The following ADGRL1 variants were observed in gnomAD, a reference collection of about 807,000 sequenced individuals.
The protein encoded by ADGRL1 is CIRL-1.
Under a neutral mutation model 148.9 loss-of-function variants are expected in ADGRL1, and 31 were observed. That is an observed-to-expected ratio of 0.21 (90% CI 0.16 to 0.28). The LOEUF (loss-of-function observed/expected upper bound fraction) is 0.28, where lower values mean the gene tolerates loss of function less well. ADGRL1 is among the 10% of genes least tolerant of loss of function. The probability of loss-of-function intolerance (pLI) is 1.00; values close to 1 mark genes in which losing one functional copy is unlikely to be tolerated. For missense variants in ADGRL1, 1,521 were observed against 2,058.8 expected (o/e 0.74, Z 5.05); for synonymous variants, 937 against 900.3 (o/e 1.04, Z -0.73).
Position 14,205,500 on chromosome 19 carries a change from G to C in ADGRL1, c.-96+485C>G, listed in dbSNP as rs1385332629. 4.0e-5 allele frequency among the ~76,000 whole-genome samples: 6 copies of C among 151,742 alleles called. No homozygotes were observed. In the East Asian group the frequency reaches 5.9e-4, roughly 15 times the overall value. ...ATCCTGTGGTGCCAGCCCCCGACAC[G>C]GCTCCTCTGGGGCGCGGGGCCGGCG... On this transcript the variant is annotated intron_variant, in intron 1 of 22. Coordinates refer to ENST00000361434, the MANE Select transcript of ADGRL1 (RefSeq NM_014921.5).
At chr19:14,205,156 C>A (rs564736636) in intron 1 of ADGRL1, among the ~76,000 whole-genome samples, 5 of 152,156 alleles carry the variant, frequency 3.3e-5, no homozygotes, top group Admixed American at 6.5e-5. Flanking sequence ...AGCATCCCCC[C>A]ACCCCACCAC....
chr19:14,155,556 G>A lies in ADGRL1; in HGVS notation c.3126-29C>T, dbSNP rs772347530. On this transcript the variant is annotated intron_variant, in intron 17 of 22. Transcript: ENST00000361434. The surrounding 1 kb of genome is among the most constrained non-coding windows in gnomAD (Gnocchi z 5.0). ...GGAGTGGGGCGACAGGGGAGTCAAA[G>A]TACCCGCCGGAGGGGACGGCCTCAG... The A allele has an allele frequency of 2.5e-6, 4 of 1,611,096 alleles. No individual in the cohort carries two copies. Among genetic ancestry groups the A allele is most frequent in the Admixed American group, 1.7e-5 (1 of 59,958 alleles).
Position 14,151,045 on chromosome 19 carries a change from CCGGGGGGTG to C in ADGRL1, c.4229_4237del (p.Ala1410_Pro1412del), listed in dbSNP as rs1352458093. The C allele has an allele frequency of 6.6e-6, 6 of 911,832 alleles. No homozygotes were observed. The highest frequency in any genetic ancestry group is 6.4e-5 in the East Asian group (1 of 15,648). The allele number at this position is 911,832 out of a possible 1,614,324, so 56.5% of individuals were successfully genotyped here. A position where few individuals can be genotyped will look rare whatever the true frequency, so the allele number is the denominator to read the frequency against. ...CGAGGTGTAGTAGATTTCGGGGGGG[CCGGGGGGTG>C]CGGGAGGGGGTGGGGGCAGGGCCTC... is the stretch of plus-strand genomic sequence containing the variant. On this transcript the variant is annotated inframe_deletion, in exon 23 of 23. Coordinates refer to ENST00000361434, the MANE Select transcript of ADGRL1 (RefSeq NM_014921.5).
chr19:14,160,524 G>T lies in ADGRL1; in HGVS notation c.1614+69C>A. 1 of 1,198,292 alleles carries T rather than the reference G, an allele frequency of 8.3e-7. No individual in the cohort carries two copies. 74.2% of individuals were successfully genotyped at this position (1,198,292 alleles called of 1,614,324 possible). ...GCCCATGTCTCCCCAGCTGCTCCAC[G>T]ACCCCCGCTGGGCCCTGGGCCCTGG... On this transcript the variant is annotated intron_variant, in intron 7 of 22. Transcript: ENST00000361434. This position sits in a 1 kb window ranked among gnomAD's most constrained non-coding sequence, Gnocchi z 5.9.
rs190492836 is a variant in ADGRL1 at position 14,173,895 on chromosome 19, G to A, written c.285-3104C>T. On this transcript the variant is annotated intron_variant, in intron 3 of 22. Coordinates refer to ENST00000361434, the MANE Select transcript of ADGRL1 (RefSeq NM_014921.5). ...CGGAAAGCGGAGGTTGCAGTGAGCC[G>A]AGATCATGCCACTGCACTCCAGCCT... 2.9e-3 allele frequency among the ~76,000 whole-genome samples: 407 copies of A among 141,590 alleles called. 3 individuals carry two copies. The highest frequency in any genetic ancestry group is 0.011 in the African/African-American group (388 of 36,732). The allele number at this position is 141,590 out of a possible 152,430, so 92.9% of individuals were successfully genotyped here.
intron 1 of ADGRL1, among the ~76,000 whole-genome samples, chr19:14,203,697 C>T (rs1305196100): frequency 1.3e-5 from 2 of 152,142 alleles, no homozygotes; most frequent in Non-Finnish European, 2.9e-5. Context: ...GAGTCCCCCC[C>T]TTCCACCCCC....
chr19:14,161,220 C>A lies in ADGRL1; in HGVS notation c.1510+92G>T. On this transcript the variant is annotated intron_variant, in intron 6 of 22. Coordinates refer to ENST00000361434, the MANE Select transcript of ADGRL1 (RefSeq NM_014921.5). This position sits in a 1 kb window ranked among gnomAD's most constrained non-coding sequence, Gnocchi z 4.4. ...CCCTGCCCTCAGAAAACCTCTGCTCCGCAGTAGAGACCCCCACCCACACAT... is the reference window on the plus strand; with the variant it reads ...CCCTGCCCTCAGAAAACCTCTGCTCAGCAGTAGAGACCCCCACCCACACAT... The A allele has an allele frequency of 7.9e-7, 1 of 1,269,022 alleles. No homozygotes were observed. Among genetic ancestry groups the A allele is most frequent in the South Asian group, 1.6e-5 (1 of 63,804 alleles). 78.6% of individuals were successfully genotyped at this position (1,269,022 alleles called of 1,614,324 possible). A position where few individuals can be genotyped will look rare whatever the true frequency, so the allele number is the denominator to read the frequency against.
rs368398999 is a variant in ADGRL1 at position 14,150,953 on chromosome 19, C to G, written c.4330G>C (p.Glu1444Gln). The G allele has an allele frequency of 4.5e-5, 73 of 1,607,408 alleles. No homozygotes were observed. Among genetic ancestry groups the G allele is most frequent in the Non-Finnish European group, 6.0e-5 (71 of 1,177,944 alleles). Residue 1444 changes from glutamate (E) to glutamine (Q), a missense_variant, in exon 23 of 23, where the codon GAG becomes CAG. Physicochemically the swap from Glu to Gln is conservative, Grantham distance 29. Around this residue, in one of 8 missense-constraint regions of ADGRL1, gnomAD observed 390 missense variants for 375.0 expected, o/e 1.04. Coordinates refer to ENST00000361434, the MANE Select transcript of ADGRL1 (RefSeq NM_014921.5). ...AGGCCTGGGGCTGCCAGGTAGCCCT[C>G]GTGGCTAGGACGCCGCACCTGGTAG... ...GYYQVRRPSH[E>Q]GYLAAPGLEG... is the part of the protein sequence containing the mutation.
rs558183377 is a variant in ADGRL1 at position 14,154,085 on chromosome 19, G to A, written c.3295-1173C>T. The stretch of plus-strand genomic sequence containing the variant: ...AGCAGAGGTTGGAGGGAGGGGAGCC[G>A]AGGGGCCCAGATCAGACCATAGGGG... On this transcript the variant is annotated intron_variant, in intron 18 of 22. Transcript: ENST00000361434. Among the ~76,000 whole-genome samples, 8 of 152,232 alleles carry A rather than the reference G, an allele frequency of 5.3e-5. No homozygotes were observed. The East Asian group carries it at 1.3e-3, about 26-fold the overall frequency.
At chr19:14,188,386 C>T (rs1248220664) in intron 1 of ADGRL1, among the ~76,000 whole-genome samples, 3 of 152,146 alleles carry the variant, frequency 2.0e-5, no homozygotes, top group Non-Finnish European at 4.4e-5. Context: ...AAGAGGCAGT[C>T]CCTCTCTTCC....
chr19:14,158,004 G>T lies in ADGRL1; in HGVS notation c.2413C>A (p.Arg805Ser). 1 of 1,614,202 alleles carries T rather than the reference G, an allele frequency of 6.2e-7. No individual in the cohort carries two copies. Among genetic ancestry groups the T allele is most frequent in the Non-Finnish European group, 8.5e-7 (1 of 1,180,016 alleles). The change falls in exon 13 of 23, where the codon CGT (arginine) becomes AGT (serine). Residue 805 changes from arginine to serine, a missense_variant. By Grantham distance (110) the Arg-to-Ser change is moderately radical. Around this residue, in one of 8 missense-constraint regions of ADGRL1, gnomAD observed 265 missense variants for 431.9 expected, o/e 0.61. Coordinates refer to ENST00000361434, the MANE Select transcript of ADGRL1 (RefSeq NM_014921.5). ...ANCSFWNYSERSMLGYWSTQG... is the reference protein window; with the variant it reads ...ANCSFWNYSESSMLGYWSTQG... ...GTCGACCAGTAGCCCAGCATGGAAC[G>T]CTCCGAGTAGTTCCAGAAGGAGCAG...
Position 14,177,707 on chromosome 19 carries a change from G to A in ADGRL1, c.108C>T (p.Arg36=). ...SRAGLPFGLM[R]RELACEGYPI... The stretch of plus-strand genomic sequence containing the variant: ...GGTAGCCTTCACACGCCAGCTCCCG[G>A]CGCATCAGCCCGAACGGGAGCCCGG... Residue 36 remains arginine, a synonymous_variant, in exon 3 of 23, where the codon CGC becomes CGT. Coordinates refer to ENST00000361434, the MANE Select transcript of ADGRL1 (RefSeq NM_014921.5). 6.2e-7 allele frequency: 1 copy of A among 1,613,770 alleles called. No homozygotes were observed. Among genetic ancestry groups the A allele is most frequent in the Non-Finnish European group, 8.5e-7 (1 of 1,179,994 alleles).
chr19:14,180,996 C>A (rs929055220), intron 2 of ADGRL1, among the ~76,000 whole-genome samples: 1 of 151,620 alleles, frequency 6.6e-6, no homozygotes, highest in African/African-American at 2.4e-5. Context: ...TGCAGTGAGC[C>A]GAGATCACAC....
rs1258394482 is a variant in ADGRL1, at chr19:14,159,935, C to T, written c.1801-162G>A. On this transcript the variant is annotated intron_variant, in intron 8 of 22. Coordinates refer to ENST00000361434, the MANE Select transcript of ADGRL1 (RefSeq NM_014921.5). This position sits in a 1 kb window ranked among gnomAD's most constrained non-coding sequence, Gnocchi z 6.0. ...AGGGATCCCCAACCCCCAGGACCAT[C>T]CGGGGCAGCACAGGAGTGAGACCCG... 2.0e-5 allele frequency among the ~76,000 whole-genome samples: 3 copies of T among 152,154 alleles called. No homozygotes were observed. Among genetic ancestry groups the T allele is most frequent in the African/African-American group, 7.2e-5 (3 of 41,446 alleles).
At chr19:14,158,095 C>A in intron 12 of ADGRL1, 43 bp from the exon 13 acceptor site, 1 of 1,598,182 alleles carries the variant, frequency 6.3e-7, no homozygotes, top group Non-Finnish European at 8.6e-7. Flanking sequence ...AGAGTCAGAA[C>A]CGGGGAGTCC....
chr19:14,203,541 G>A (rs1016747247), intron 1 of ADGRL1, among the ~76,000 whole-genome samples: 7 of 152,128 alleles, frequency 4.6e-5, no homozygotes, highest in East Asian at 3.9e-4. Context: ...GAGGCCACCC[G>A]CCAGGAGCCC....
At chr19:14,204,886 A>AG (rs1043154663) in intron 1 of ADGRL1, among the ~76,000 whole-genome samples, 4 of 151,816 alleles carry the variant, frequency 2.6e-5, no homozygotes, top group Admixed American at 1.3e-4. Context: ...GCCAGGCGGA[A>AG]GGGGGGGCCC....
At chr19:14,158,301 G>A in intron 12 of ADGRL1, 37 bp downstream of exon 12, 2 of 1,587,280 alleles carry the variant, frequency 1.3e-6, no homozygotes, top group East Asian at 2.2e-5. Context: ...AGAGGGTACA[G>A]GGACCCCCAT....
intron 1 of ADGRL1, among the ~76,000 whole-genome samples, chr19:14,205,152 C>A (rs948688161): frequency 8.6e-5 from 13 of 151,958 alleles, no homozygotes; most frequent in Non-Finnish European, 1.5e-4. Context: ...ACACAGCATC[C>A]CCCCACCCCA....
Sources: allele counts gnomAD v4.1 joint callset (sites outside exome capture counted in the v4.1 genomes callset), GRCh38; gene constraint gnomAD v4.1.1; regional missense constraint gnomAD v4.1.1; non-coding constraint Gnocchi (gnomAD v3.1); transcripts MANE v1.5; gene names NCBI Gene and HGNC (gene_info 2026-07-23, HGNC 2026-07-21).